The following CDH18 variants were observed in gnomAD, a reference collection of about 807,000 sequenced individuals.
CDH18 encodes the protein cadherin-18.
Under a neutral mutation model 67.9 loss-of-function variants are expected in CDH18, and 31 were observed. The observed-to-expected ratio is 0.46, with a 90% CI of 0.34 to 0.62. The LOEUF is 0.62. Among genes scored for constraint, CDH18 ranks in the 20% least tolerant of loss-of-function variants. The pLI is 0.01. For missense variants in CDH18, 890 were observed against 975.5 expected, an observed-to-expected ratio of 0.91 and a Z score of 1.17; for synonymous variants, 362 against 347.2, an observed-to-expected ratio of 1.04 and a Z score of -0.48.
At chr5:20,505,728 T>A (rs541203329) in intron 1 of CDH18, among the ~76,000 whole-genome samples, 1 of 152,322 alleles carries the variant, frequency 6.6e-6, no homozygotes, top group East Asian at 1.9e-4. Flanking sequence ...GTCACACAGA[T>A]CTGGTCTTCA....
intron 2 of CDH18, among the ~76,000 whole-genome samples, chr5:19,921,231 C>A (rs575771947): frequency 5.5e-4 from 83 of 151,946 alleles, no homozygotes; most frequent in African/African-American, 1.9e-3. Flanking sequence ...CAAAAAATTC[C>A]GTTAAAAACA....
intron 1 of CDH18, among the ~76,000 whole-genome samples, chr5:20,573,652 T>A (rs1758931007): frequency 6.6e-6 from 1 of 150,658 alleles, no homozygotes; most frequent in Non-Finnish European, 1.5e-5. Flanking sequence ...AGCAAAACAA[T>A]AACTAAACAA....
rs1782588411 is a variant in CDH18, at chr5:19,843,577, C to T, written c.-256-4335G>A. Among the ~76,000 whole-genome samples, 3 of 152,366 alleles carry T rather than the reference C, an allele frequency of 2.0e-5. No individual in the cohort carries two copies. In the South Asian group the frequency reaches 6.2e-4, roughly 32 times the overall value. On this transcript the variant is annotated intron_variant, in intron 2 of 12. Transcript: ENST00000382275. Reference sequence around the variant, plus strand: ...GGGAAATGTGAGGTCGGACCCCCGACATAGAGTTCCCACTGGGGCACTGCC... The same window carrying T: ...GGGAAATGTGAGGTCGGACCCCCGATATAGAGTTCCCACTGGGGCACTGCC...
At chr5:19,726,674 T>C (rs890405322) in intron 4 of CDH18, among the ~76,000 whole-genome samples, 1 of 152,242 alleles carries the variant, frequency 6.6e-6, no homozygotes, top group African/African-American at 2.4e-5. Flanking sequence ...TCTTAAATTC[T>C]TGTTTATTTG....
At chr5:20,501,536 TA>T (rs1561068889) in intron 1 of CDH18, among the ~76,000 whole-genome samples, 2 of 72,882 alleles carry the variant, frequency 2.7e-5, no homozygotes, top group East Asian at 1.1e-3. Context: ...TTATATATAT[TA>T]TATACATATT....
chr5:19,542,522 C>T (rs1750435907), intron 9 of CDH18, among the ~76,000 whole-genome samples: 1 of 151,916 alleles, frequency 6.6e-6, no homozygotes, highest in African/African-American at 2.4e-5. Context: ...TAATGTTTGT[C>T]AAGTAAAGAA....
intron 2 of CDH18, among the ~76,000 whole-genome samples, chr5:19,956,118 C>T (rs1408164731): frequency 6.6e-6 from 1 of 151,810 alleles, no homozygotes; most frequent in Non-Finnish European, 1.5e-5. Flanking sequence ...TTGTAAGAAA[C>T]ATGTACTTTA....
In CDH18 at chr5:20,215,743, G is replaced by T. The variant is rs764459200; in HGVS notation, c.-518+39701C>A. Among the ~76,000 whole-genome samples the T allele has an allele frequency of 3.4e-4, 52 of 152,040 alleles. 1 individual carries two copies. Among genetic ancestry groups the T allele is most frequent in the Non-Finnish European group, 5.3e-4 (36 of 67,928 alleles). On this transcript the variant is annotated intron_variant, in intron 2 of 14. Transcript: ENST00000507958. ...TCAACCTAAATACCCATAAGTGGCAGACTGGATAAAGAAAATGTGGTACAT... is the reference window on the plus strand; with the variant it reads ...TCAACCTAAATACCCATAAGTGGCATACTGGATAAAGAAAATGTGGTACAT...
In CDH18 at chr5:20,209,842, T is replaced by C. The variant is rs796682358; in HGVS notation, c.-518+45602A>G. Reference sequence around the variant, plus strand: ...ATTTGATATTTACACATTATATGAATATGTGCCCTGATATAAATATCAAGG... The same window carrying C: ...ATTTGATATTTACACATTATATGAACATGTGCCCTGATATAAATATCAAGG... On this transcript the variant is annotated intron_variant, in intron 2 of 14. Transcript: ENST00000507958. 3.9e-5 allele frequency among the ~76,000 whole-genome samples: 6 copies of C among 151,976 alleles called. No individual in the cohort carries two copies. The South Asian group carries it at 8.3e-4, about 21-fold the overall frequency.
intron 1 of CDH18, among the ~76,000 whole-genome samples, chr5:20,289,117 T>C (rs1287926217): frequency 1.3e-5 from 2 of 151,674 alleles, no homozygotes; most frequent in African/African-American, 4.8e-5. Context: ...TCTACTCATA[T>C]TTACCCATTT....
chr5:19,480,678 A>G (rs908381811), intron 12 of CDH18, among the ~76,000 whole-genome samples: 2 of 152,094 alleles, frequency 1.3e-5, no homozygotes, highest in African/African-American at 4.8e-5. Context: ...GCCCGGCCAT[A>G]TAAAGTTTCT....
intron 2 of CDH18, among the ~76,000 whole-genome samples, chr5:20,108,555 A>C (rs60452660): frequency 0.043 from 6,594 of 152,060 alleles, 508 homozygotes; most frequent in African/African-American, 0.15. Context: ...GTCTTCCTCT[A>C]AAATCACCAC....
chr5:19,473,128 T>G lies in CDH18; in HGVS notation c.*98A>C. ...CAGGAGCTGTGTCCAGCTTCCTCAG[T>G]TCCAAGTACTGTTTCCACACTTCTT... On this transcript the variant is annotated 3_prime_UTR_variant, in exon 13 of 13. Transcript: ENST00000382275. The G allele has an allele frequency of 6.8e-7, 1 of 1,460,896 alleles. No homozygotes were observed. Among genetic ancestry groups the G allele is most frequent in the Non-Finnish European group, 9.3e-7 (1 of 1,077,728 alleles). 90.5% of individuals were successfully genotyped at this position (1,460,896 alleles called of 1,614,324 possible). A position where few individuals can be genotyped will look rare whatever the true frequency, so the allele number is the denominator to read the frequency against.
At chr5:19,609,543 C>T (rs1339992560) in intron 6 of CDH18, among the ~76,000 whole-genome samples, 4 of 151,946 alleles carry the variant, frequency 2.6e-5, no homozygotes, top group Admixed American at 2.6e-4. Flanking sequence ...TAATTTACTA[C>T]CTCTCTAACA....
intron 1 of CDH18, among the ~76,000 whole-genome samples, chr5:20,298,329 G>C (rs1437045945): frequency 6.6e-6 from 1 of 152,086 alleles, no homozygotes; most frequent in Admixed American, 6.5e-5. Context: ...GTAACTTACG[G>C]TGCAACAGAG....
At chr5:20,364,041 C>G (rs916973264) in intron 1 of CDH18, among the ~76,000 whole-genome samples, 1 of 152,024 alleles carries the variant, frequency 6.6e-6, no homozygotes, top group Non-Finnish European at 1.5e-5. Flanking sequence ...TTCCAGGGTT[C>G]CCTTCTCGTG....
At chr5:20,566,363 T>TC (rs1327318552) in intron 1 of CDH18, among the ~76,000 whole-genome samples, 33 of 143,334 alleles carry the variant, frequency 2.3e-4, no homozygotes, top group Non-Finnish European at 4.7e-4. Flanking sequence ...TCTTTTTCTT[T>TC]TTTTTTTTTT....
chr5:20,152,294 G>C (rs1439316049), intron 2 of CDH18, among the ~76,000 whole-genome samples: 3 of 145,724 alleles, frequency 2.1e-5, no homozygotes, highest in Non-Finnish European at 4.5e-5. Flanking sequence ...ATATATATTG[G>C]GCTTGAAAAC....
intron 1 of CDH18, among the ~76,000 whole-genome samples, chr5:20,414,856 A>G (rs775644622): frequency 1.8e-4 from 28 of 152,320 alleles, no homozygotes; most frequent in Non-Finnish European, 4.0e-4. Flanking sequence ...CTGAGGGTCT[A>G]GAGAAATTGG....
Sources: gnomAD v4.1 joint callset for allele counts (sites outside exome capture counted in the v4.1 genomes callset) on GRCh38, gnomAD v4.1.1 for gene constraint, MANE v1.5 for transcripts, NCBI Gene and HGNC (gene_info 2026-07-23, HGNC 2026-07-21) for gene names.